ADK: variants seen among roughly 807,000 people sequenced by gnomAD.
The protein encoded by ADK is adenosine kinase.
A neutral mutation model predicts 44.7 loss-of-function variants in ADK; 24 were observed. That is an observed-to-expected ratio of 0.54 (90% CI 0.39 to 0.76). The LOEUF is 0.76. ADK is among the 30% of genes least tolerant of loss of function. The pLI, the probability that ADK is intolerant of heterozygous loss-of-function variation, is 0.00. For missense variants in ADK, 321 were observed against 425.1 expected (o/e 0.76, Z 2.15); for synonymous variants, 128 against 142.6 (o/e 0.90, Z 0.73).
chr10:74,569,944 T>A (rs925525532), intron 7 of ADK, among the ~76,000 whole-genome samples: 4 of 152,176 alleles, frequency 2.6e-5, no homozygotes, highest in African/African-American at 9.7e-5. Flanking sequence ...TTGAATTAAT[T>A]TTTGTATAAG....
intron 6 of ADK, among the ~76,000 whole-genome samples, chr10:74,520,352 T>G (rs1356798393): frequency 6.6e-6 from 1 of 152,004 alleles, no homozygotes; most frequent in Non-Finnish European, 1.5e-5. Context: ...TATCCACAGT[T>G]GATTAATTAT....
At chr10:74,547,080 A>G (rs1285017901) in intron 7 of ADK, among the ~76,000 whole-genome samples, 1 of 152,036 alleles carries the variant, frequency 6.6e-6, no homozygotes, top group East Asian at 1.9e-4. Context: ...TTATTTTGAA[A>G]TGATTTACAA....
chr10:74,394,397 T>TCA, intron 5 of ADK, 84 bp downstream of exon 5: 1 of 1,324,770 alleles, frequency 7.5e-7, no homozygotes, highest in Non-Finnish European at 1.1e-6. Context: ...AATTTGGAAT[T>TCA]TTGACTTTAT....
At chr10:74,278,417 G>A (rs1308403722) in intron 3 of ADK, among the ~76,000 whole-genome samples, 3 of 149,386 alleles carry the variant, frequency 2.0e-5, no homozygotes, top group Non-Finnish European at 3.0e-5. Context: ...TGTGATGTTA[G>A]GTTTGTCCAT....
intron 7 of ADK, among the ~76,000 whole-genome samples, chr10:74,558,942 G>A (rs924236056): frequency 6.6e-6 from 1 of 152,108 alleles, no homozygotes; most frequent in Non-Finnish European, 1.5e-5. Flanking sequence ...CTAACTTTAG[G>A]CTTTGAAGTA....
chr10:74,645,623 A>G (rs1854027751), intron 9 of ADK, among the ~76,000 whole-genome samples: 1 of 152,172 alleles, frequency 6.6e-6, no homozygotes, highest in African/African-American at 2.4e-5. Flanking sequence ...TAGTAATTGA[A>G]CTCCCAAAAA....
chr10:74,602,582 T>TA (rs1353939657), intron 9 of ADK, among the ~76,000 whole-genome samples: 1 of 152,202 alleles, frequency 6.6e-6, no homozygotes, highest in African/African-American at 2.4e-5. Flanking sequence ...TTAAATCTAT[T>TA]AAGCCATTCT....
intron 8 of ADK, among the ~76,000 whole-genome samples, chr10:74,590,308 G>A (rs1182551587): frequency 6.6e-6 from 1 of 152,178 alleles, no homozygotes; most frequent in Non-Finnish European, 1.5e-5. Flanking sequence ...AAACAGGGAA[G>A]AGGTGAGTGG....
At chr10:74,498,078 A>T (rs1472498720) in intron 6 of ADK, among the ~76,000 whole-genome samples, 4 of 151,964 alleles carry the variant, frequency 2.6e-5, no homozygotes, top group Non-Finnish European at 4.4e-5. Context: ...TTTAGTAGGG[A>T]TGGGATTTCA....
Position 74,171,810 on chromosome 10 carries a change from C to CTCTGTGTGTG in ADK, c.65+20468_65+20469insCTGTGTGTGT, listed in dbSNP as rs1554825180. On this transcript the variant is annotated intron_variant, in intron 1 of 10. Transcript: ENST00000539909. ...TCTCTTTCTGTCTCTCTCTGTCTCT[C>CTCTGTGTGTG]TGTGTGTGTGTGTGTGTGTGTGTGT... 1.4e-3 allele frequency among the ~76,000 whole-genome samples: 201 copies of CTCTGTGTGTG among 144,086 alleles called. 1 individual carries two copies. Among genetic ancestry groups the CTCTGTGTGTG allele is most frequent in the African/African-American group, 4.9e-3 (193 of 39,168 alleles). 94.5% of individuals were successfully genotyped at this position (144,086 alleles called of 152,430 possible).
intron 6 of ADK, among the ~76,000 whole-genome samples, chr10:74,473,446 G>A (rs551778192): frequency 1.3e-5 from 2 of 152,236 alleles, no homozygotes; most frequent in Admixed American, 6.5e-5. Flanking sequence ...CTTAAGTAAT[G>A]TCCTTTTTCT....
intron 9 of ADK, among the ~76,000 whole-genome samples, chr10:74,665,460 G>A (rs1168428853): frequency 6.6e-6 from 1 of 152,124 alleles, no homozygotes; most frequent in Non-Finnish European, 1.5e-5. Context: ...AAAAACACCA[G>A]GCCAAGTGTG....
chr10:74,585,250 T>C (rs1395919483), intron 7 of ADK, among the ~76,000 whole-genome samples: 1 of 152,196 alleles, frequency 6.6e-6, no homozygotes, highest in African/African-American at 2.4e-5. Context: ...TGGTGTGGTA[T>C]AGATGAGAGT....
At chr10:74,589,784 G>T (rs574120016) in intron 8 of ADK, among the ~76,000 whole-genome samples, 2 of 152,114 alleles carry the variant, frequency 1.3e-5, no homozygotes, top group African/African-American at 2.4e-5. Context: ...CTAAAAGGTT[G>T]TACTTAACAG....
chr10:74,525,623 C>A (rs190377110), intron 7 of ADK, among the ~76,000 whole-genome samples, 197 bp downstream of exon 7: 122 of 152,124 alleles, frequency 8.0e-4, no homozygotes, highest in African/African-American at 2.8e-3. Flanking sequence ...ATACTAACTT[C>A]TTTCTTAGTG....
At chr10:74,461,408 G>T (rs1428038043) in intron 6 of ADK, among the ~76,000 whole-genome samples, 1 of 152,030 alleles carries the variant, frequency 6.6e-6, no homozygotes, top group African/African-American at 2.4e-5. Context: ...AAAAAGCCTG[G>T]TAATAGTATT....
At chr10:74,322,494 T>A (rs1180215049) in intron 4 of ADK, among the ~76,000 whole-genome samples, 1 of 152,228 alleles carries the variant, frequency 6.6e-6, no homozygotes, top group Admixed American at 6.5e-5. Flanking sequence ...TTTTTAAAGT[T>A]TAAATATGAA....
chr10:74,377,069 G>A (rs1842840880), intron 4 of ADK, among the ~76,000 whole-genome samples: 1 of 151,912 alleles, frequency 6.6e-6, no homozygotes, highest in Non-Finnish European at 1.5e-5. Flanking sequence ...TAGGTTTTTT[G>A]TTTGTCTGGT....
chr10:74,506,702 A>G (rs2133483598), intron 6 of ADK: 1 of 152,322 alleles, frequency 6.6e-6, no homozygotes, highest in South Asian at 2.1e-4. Context: ...ATTTGTTTAC[A>G]TTTCTCTTGA....
Sources: gnomAD v4.1 joint callset for allele counts (sites outside exome capture counted in the v4.1 genomes callset) on GRCh38, gnomAD v4.1.1 for gene constraint, MANE v1.5 for transcripts, NCBI Gene and HGNC (gene_info 2026-07-23, HGNC 2026-07-21) for gene names.